Variants in CACNA2D3 observed in about 807,000 individuals in gnomAD.
The protein encoded by CACNA2D3 is calcium voltage-gated channel auxiliary subunit alpha2delta 3, also known as voltage-dependent calcium channel subunit alpha-2/delta-3.
A neutral mutation model predicts 160.6 loss-of-function variants in CACNA2D3; 60 were observed. The observed-to-expected ratio is 0.37, with a 90% confidence interval of 0.30 to 0.46. The LOEUF is 0.46. Ranked by LOEUF, CACNA2D3 falls within the 20% of genes least tolerant of loss-of-function variation. The pLI is 1.00. For missense variants in CACNA2D3, 1,205 were observed against 1,365.0 expected, an observed-to-expected ratio of 0.88 and a Z score of 1.85; for synonymous variants, 558 against 492.9, an observed-to-expected ratio of 1.13 and a Z score of -1.75.
chr3:54,228,718 TGTGGAAACTGGATAATAG>T (rs1701717322), intron 2 of CACNA2D3, among the ~76,000 whole-genome samples: 1 of 152,240 alleles, frequency 6.6e-6, no homozygotes, highest in Non-Finnish European at 1.5e-5. Flanking sequence ...AGGTGTACAC[TGTGGAAACTGGATAATAG>T]CCTCAGTCTG....
At chr3:54,867,668 C>T (rs1261142450) in intron 17 of CACNA2D3, among the ~76,000 whole-genome samples, 1 of 152,164 alleles carries the variant, frequency 6.6e-6, no homozygotes, top group Non-Finnish European at 1.5e-5. Context: ...CATATCTTTT[C>T]TCTGCTTTCC....
chr3:54,763,746 TGCATATATATACAC>T lies in CACNA2D3; in HGVS notation c.1247-471_1247-458del, dbSNP rs1355849760. Among the ~76,000 whole-genome samples the T allele has an allele frequency of 1.0e-3, 96 of 92,052 alleles. 5 individuals carry two copies. Among genetic ancestry groups the T allele is most frequent in the East Asian group, 8.0e-3 (19 of 2,366 alleles). The allele number at this position is 92,052 out of a possible 152,430, so 60.4% of individuals were successfully genotyped here. On this transcript the variant is annotated intron_variant, in intron 12 of 37. Coordinates refer to ENST00000474759, the MANE Select transcript of CACNA2D3 (RefSeq NM_018398.3). ...ATATACATATATATGTGTATATATG[TGCATATATATACAC>T]ATATATATGTATATATGTACATATA...
At chr3:54,356,139 C>T (rs950732056) in intron 3 of CACNA2D3, among the ~76,000 whole-genome samples, 6 of 152,104 alleles carry the variant, frequency 3.9e-5, no homozygotes, top group Non-Finnish European at 7.4e-5. Context: ...GGAGCAGCTC[C>T]CTCAGTGAAA....
intron 3 of CACNA2D3, among the ~76,000 whole-genome samples, chr3:54,357,747 G>A (rs953602884): frequency 1.1e-4 from 17 of 152,180 alleles, no homozygotes; most frequent in African/African-American, 4.1e-4. Flanking sequence ...AAAAGAAATG[G>A]CCTATCAAAC....
chr3:54,915,412 C>T (rs1700640472), intron 27 of CACNA2D3, among the ~76,000 whole-genome samples: 1 of 152,156 alleles, frequency 6.6e-6, no homozygotes, highest in East Asian at 1.9e-4. Context: ...TTTTAGTTTT[C>T]TCAGAAACAA....
chr3:54,159,832 A>C (rs1273276739), intron 2 of CACNA2D3, among the ~76,000 whole-genome samples: 1 of 152,268 alleles, frequency 6.6e-6, no homozygotes, highest in Admixed American at 6.5e-5. Flanking sequence ...GACTTTATAA[A>C]AAAAAGAGAC....
chr3:54,166,168 A>G (rs184316941), intron 2 of CACNA2D3, among the ~76,000 whole-genome samples: 4 of 152,246 alleles, frequency 2.6e-5, no homozygotes, highest in Admixed American at 6.5e-5. Context: ...TTCCTTTCAC[A>G]CTGTCTCAAC....
chr3:54,607,933 C>A (rs1359769209), intron 9 of CACNA2D3, among the ~76,000 whole-genome samples: 1 of 152,106 alleles, frequency 6.6e-6, no homozygotes, highest in East Asian at 1.9e-4. Flanking sequence ...CTGTATGATT[C>A]CATTTATATG....
Position 54,122,626 on chromosome 3 carries a change from C to CCCGCGCGCTCGCCCA in CACNA2D3, c.-83_-69dup. On this transcript the variant is annotated 5_prime_UTR_variant, in exon 1 of 38. Transcript: ENST00000474759. The stretch of plus-strand genomic sequence containing the variant: ...GGCGGCGCGGAGCGGAGCAGGCAGC[C>CCCGCGCGCTCGCCCA]CCGCGCGCTCGCCCACCGCCCGCTC... 1.1e-6 allele frequency: 1 copy of CCCGCGCGCTCGCCCA among 885,508 alleles called. No individual in the cohort carries two copies. Among genetic ancestry groups the CCCGCGCGCTCGCCCA allele is most frequent in the Non-Finnish European group, 1.3e-6 (1 of 741,460 alleles). The allele number at this position is 885,508 out of a possible 1,614,324, so 54.9% of individuals were successfully genotyped here. A position where few individuals can be genotyped will look rare whatever the true frequency, so the allele number is the denominator to read the frequency against.
chr3:54,518,772 C>T (rs896005467), intron 5 of CACNA2D3, among the ~76,000 whole-genome samples: 11 of 152,192 alleles, frequency 7.2e-5, no homozygotes, highest in African/African-American at 2.7e-4. Flanking sequence ...TTTCCCCTCC[C>T]AGATGTCACT....
intron 2 of CACNA2D3, among the ~76,000 whole-genome samples, chr3:54,174,637 G>C (rs537536709): frequency 6.6e-6 from 1 of 152,236 alleles, no homozygotes; most frequent in African/African-American, 2.4e-5. Context: ...CCATTCTCCT[G>C]CCTCCGTCTC....
chr3:54,584,656 G>T (rs907021773), intron 9 of CACNA2D3, among the ~76,000 whole-genome samples: 1 of 152,130 alleles, frequency 6.6e-6, no homozygotes, highest in Non-Finnish European at 1.5e-5. Context: ...CTGGGTAAAA[G>T]GTGTAAGCAT....
intron 12 of CACNA2D3, among the ~76,000 whole-genome samples, chr3:54,763,735 G>GTATATA (rs1645326096): frequency 9.7e-6 from 1 of 103,378 alleles, no homozygotes; most frequent in African/African-American, 3.4e-5. Context: ...ACATATATAT[G>GTATATA]TGTATATATG....
At chr3:54,891,223 T>TGTGTGTGTGTGTGTGTGTG (rs1700059327) in intron 24 of CACNA2D3, 132 bp from the exon 25 acceptor site, 1 of 338,990 alleles carries the variant, frequency 2.9e-6, no homozygotes, top group African/African-American at 4.3e-5. Flanking sequence ...GTGTGTGTGT[T>TGTGTGTGTGTGTGTGTGTG]TCTGTATCTT....
chr3:54,726,344 A>G (rs929564430), intron 11 of CACNA2D3, among the ~76,000 whole-genome samples: 1 of 152,162 alleles, frequency 6.6e-6, no homozygotes, highest in African/African-American at 2.4e-5. Context: ...GCCCAAAGTA[A>G]TTTATACATT....
intron 9 of CACNA2D3, among the ~76,000 whole-genome samples, chr3:54,609,956 A>G (rs972917708): frequency 3.3e-5 from 5 of 152,318 alleles, no homozygotes; most frequent in Admixed American, 3.3e-4. Flanking sequence ...AAACCAAGGT[A>G]TTGGCAGGTC....
At chr3:54,708,956 CTA>C (rs1700903789) in intron 11 of CACNA2D3, among the ~76,000 whole-genome samples, 1 of 150,880 alleles carries the variant, frequency 6.6e-6, no homozygotes, top group African/African-American at 2.4e-5. Context: ...TTTTAAATAA[CTA>C]TTTTTTACAT....
rs181184343 is a variant in CACNA2D3 at position 55,014,271 on chromosome 3, A to T, written c.2876-3935A>T. On this transcript the variant is annotated intron_variant, in intron 34 of 37. Transcript: ENST00000474759. ...TGGTTTACTGTGTGAGTTAATGATG[A>T]TTGTGATGAGTCACTCTCTGTGGGA... is the stretch of plus-strand genomic sequence containing the variant. 4.1e-4 allele frequency among the ~76,000 whole-genome samples: 63 copies of T among 151,900 alleles called. 1 individual carries two copies. Among genetic ancestry groups the T allele is most frequent in the Admixed American group, 2.0e-3 (31 of 15,278 alleles).
rs1340512442 is a variant in CACNA2D3 at position 54,598,180 on chromosome 3, T to C, written c.963+16303T>C. Among the ~76,000 whole-genome samples the C allele has an allele frequency of 2.0e-5, 3 of 149,590 alleles. No individual in the cohort carries two copies. The East Asian group carries it at 5.8e-4, about 29-fold the overall frequency. The stretch of plus-strand genomic sequence containing the variant: ...AAAATTAGCCGGGCATGGCGATGTG[T>C]GTCTGTAATTCCAGCTACTTAGGAG... On this transcript the variant is annotated intron_variant, in intron 9 of 37. Coordinates refer to ENST00000474759, the MANE Select transcript of CACNA2D3 (RefSeq NM_018398.3).
Sources: gnomAD v4.1 joint callset for allele counts (sites outside exome capture counted in the v4.1 genomes callset) on GRCh38, gnomAD v4.1.1 for gene constraint, MANE v1.5 for transcripts, NCBI Gene and HGNC (gene_info 2026-07-23, HGNC 2026-07-21) for gene names.